Variants in C3orf22 observed in about 807,000 individuals in gnomAD.
C3orf22 encodes uncharacterized protein C3orf22.
Under a neutral mutation model 10.8 loss-of-function variants are expected in C3orf22, and 7 were observed. The ratio of observed to expected loss-of-function variants is 0.65; its 90% CI spans 0.37 to 1.22. The LOEUF is 1.22. Among genes scored for constraint, C3orf22 ranks in the 50% most tolerant of loss-of-function variants. The probability of loss-of-function intolerance (pLI) is 0.02; values close to 1 mark genes in which losing one functional copy is unlikely to be tolerated. For missense variants in C3orf22, 173 were observed against 177.0 expected (o/e 0.98, Z 0.13); for synonymous variants, 79 against 78.9 (o/e 1.00, Z 0.00).
intron 2 of C3orf22, among the ~76,000 whole-genome samples, chr3:126,552,425 C>T (rs1417333232): frequency 1.3e-5 from 2 of 152,154 alleles, no homozygotes; most frequent in Non-Finnish European, 2.9e-5. Context: ...TGCTGGCCTC[C>T]CCTGGTTTCA....
chr3:126,549,211 C>T (rs904744208), downstream of C3orf22, among the ~76,000 whole-genome samples: 6 of 151,228 alleles, frequency 4.0e-5, no homozygotes, highest in Non-Finnish European at 2.9e-5. Context: ...CCCCCATTCT[C>T]CTCCTCAAAG....
intron 5 of C3orf22, among the ~76,000 whole-genome samples, chr3:126,528,499 T>C (rs1242606230): frequency 2.6e-5 from 4 of 151,388 alleles, no homozygotes; most frequent in Non-Finnish European, 1.5e-5. Flanking sequence ...CTGCAAGGAG[T>C]GAGAAGCCCT....
chr3:126,549,715 T>C lies in C3orf22; in HGVS notation c.*153A>G. The C allele has an allele frequency of 6.6e-7, 1 of 1,517,202 alleles. No homozygotes were observed. Among genetic ancestry groups the C allele is most frequent in the East Asian group, 2.5e-5 (1 of 40,654 alleles). The allele number at this position is 1,517,202 out of a possible 1,614,324, so 94.0% of individuals were successfully genotyped here. A position where few individuals can be genotyped will look rare whatever the true frequency, so the allele number is the denominator to read the frequency against. On this transcript the variant is annotated 3_prime_UTR_variant, in exon 4 of 4. Transcript: ENST00000318225. ...AGTGGGGTGGGAACTCGCAGTTTAT[T>C]AGCTTGGTGTAGCTTTTTGGGGGGA...
At chr3:126,536,162 A>C in intron 4 of C3orf22, 5 of 837,894 alleles carry the variant, frequency 6.0e-6, no homozygotes, top group East Asian at 2.5e-5. Context: ...CCGGGAAGGA[A>C]ATTGAGTGCC....
At chr3:126,552,496 G>A (rs552006086) in intron 2 of C3orf22, among the ~76,000 whole-genome samples, 2 of 152,210 alleles carry the variant, frequency 1.3e-5, no homozygotes, top group Admixed American at 6.5e-5. Context: ...TGGTGTCTGC[G>A]GTGGGGGACA....
downstream of C3orf22, among the ~76,000 whole-genome samples, chr3:126,547,484 G>A (rs1248316861): frequency 1.3e-5 from 2 of 152,208 alleles, no homozygotes; most frequent in East Asian, 1.9e-4. Flanking sequence ...CAGGAGAGGA[G>A]GCACGAATTA....
At chr3:126,542,279 T>C in intron 4 of C3orf22, 1 of 1,564,154 alleles carries the variant, frequency 6.4e-7, no homozygotes, top group Admixed American at 1.8e-5. Context: ...TGAGGAGCCC[T>C]TCAACGAGCA....
At chr3:126,546,137 C>T (rs554774911), downstream of C3orf22, among the ~76,000 whole-genome samples, 6 of 152,298 alleles carry the variant, frequency 3.9e-5, no homozygotes, top group African/African-American at 1.4e-4. Context: ...TGCCTCAATG[C>T]GCTCCCTAGC....
intron 4 of C3orf22, among the ~76,000 whole-genome samples, chr3:126,539,839 C>A (rs1936904952): frequency 1.5e-5 from 1 of 67,600 alleles, no homozygotes; most frequent in African/African-American, 9.2e-5. Flanking sequence ...ACACACACAC[C>A]ACACACATCA....
At chr3:126,553,238 C>T in intron 2 of C3orf22, 64 bp downstream of exon 2, 2 of 1,185,618 alleles carry the variant, frequency 1.7e-6, no homozygotes, top group East Asian at 2.3e-5. Flanking sequence ...CATTTGAGTT[C>T]CCAGGATGCT....
downstream of C3orf22, chr3:126,549,672 G>C: frequency 6.6e-7 from 1 of 1,525,164 alleles, no homozygotes; most frequent in Non-Finnish European, 8.8e-7. Flanking sequence ...GGGAGGCAAA[G>C]TGATCATTCC....
At chr3:126,551,948 C>T (rs1301562035) in intron 3 of C3orf22, 49 bp downstream of exon 3, 3 of 1,547,338 alleles carry the variant, frequency 1.9e-6, no homozygotes, top group Non-Finnish European at 2.6e-6. Context: ...GAAAGCCAGG[C>T]AGCATGCACA....
At chr3:126,537,951 A>C (rs1452058048) in intron 4 of C3orf22, among the ~76,000 whole-genome samples, 1 of 152,164 alleles carries the variant, frequency 6.6e-6, no homozygotes, top group Non-Finnish European at 1.5e-5. Flanking sequence ...AGGCAGCCAC[A>C]CTGTGGGGGT....
chr3:126,550,101 C>T (rs376064235), intron 3 of C3orf22, 23 bp from the exon 4 acceptor site: 13 of 1,612,468 alleles, frequency 8.1e-6, no homozygotes, highest in East Asian at 4.5e-5. Context: ...CACAGAGCCA[C>T]GCCTGGCCTT....
chr3:126,542,620 C>A lies in C3orf22; in HGVS notation c.286+6917G>T, dbSNP rs1197571874. On this transcript the variant is annotated intron_variant and NMD_transcript_variant, in intron 4 of 5. Coordinates refer to the C3orf22 transcript ENST00000505070. ...GTGGCCACGCGGGGCAAGTGCCTTT[C>A]CGACAAGACCCCCGGGGAATGCAGG... is the stretch of plus-strand genomic sequence containing the variant. 4.9e-6 allele frequency: 7 copies of A among 1,430,018 alleles called. No homozygotes were observed. The East Asian group carries it at 1.1e-4, about 23-fold the overall frequency. 88.6% of individuals were successfully genotyped at this position (1,430,018 alleles called of 1,614,324 possible). A position where few individuals can be genotyped will look rare whatever the true frequency, so the allele number is the denominator to read the frequency against.
At chr3:126,545,235 C>T (rs990593615), downstream of C3orf22, among the ~76,000 whole-genome samples, 28 of 152,264 alleles carry the variant, frequency 1.8e-4, no homozygotes, top group African/African-American at 2.9e-4. Flanking sequence ...CCCAAGGTCA[C>T]GCGGCATTTT....
At chr3:126,528,769 T>G (rs1341668771) in intron 5 of C3orf22, among the ~76,000 whole-genome samples, 1 of 152,168 alleles carries the variant, frequency 6.6e-6, no homozygotes, top group African/African-American at 2.4e-5. Flanking sequence ...TAAATACACG[T>G]GGAGAGATCT....
intron 1 of C3orf22, among the ~76,000 whole-genome samples, chr3:126,555,065 T>C (rs556436079): frequency 5.3e-5 from 8 of 152,366 alleles, no homozygotes; most frequent in African/African-American, 1.9e-4. Context: ...TAGCTGCTCA[T>C]GGCTAGTGCC....
At chr3:126,550,660 C>A (rs2107579931) in intron 3 of C3orf22, among the ~76,000 whole-genome samples, 1 of 152,316 alleles carries the variant, frequency 6.6e-6, no homozygotes. Flanking sequence ...AGCCCCCTCC[C>A]TACCTCCTGT....
Sources: allele counts gnomAD v4.1 joint callset (sites outside exome capture counted in the v4.1 genomes callset), GRCh38; gene constraint gnomAD v4.1.1; transcripts MANE v1.5; gene names NCBI Gene and HGNC (gene_info 2026-07-23, HGNC 2026-07-21).